Variants in KCTD19 observed in about 807,000 individuals in gnomAD.
KCTD19 encodes potassium channel tetramerization domain containing 19.
In KCTD19, 67 loss-of-function variants were observed where a neutral mutation model predicts 103.5. The ratio of observed to expected loss-of-function variants is 0.65; its 90% CI spans 0.53 to 0.79. KCTD19 has a LOEUF of 0.79. KCTD19 is among the 30% of genes least tolerant of loss of function. KCTD19 has a pLI of 0.00. For synonymous variants in KCTD19, 439 were observed against 452.2 expected, an observed-to-expected ratio of 0.97 and a Z score of 0.37; for missense variants, 980 against 1,136.1, an observed-to-expected ratio of 0.86 and a Z score of 1.98.
Position 67,294,646 on chromosome 16 carries a change from G to A in KCTD19, c.1524C>T (p.Ile508=), listed in dbSNP as rs1260022933. ...KESENEEAFS[I]RRLHVVTEGP... is the part of the protein sequence containing the mutation. ...CTTCTGTCACCACATGCAGCCTCCT[G>A]ATGGAAAAAGCTTCTTCATTTTCAG... Residue 508 remains isoleucine, a synonymous_variant, in exon 11 of 16, where the codon ATC becomes ATT. Coordinates refer to ENST00000304372, the MANE Select transcript of KCTD19 (RefSeq NM_001100915.3). 6.2e-7 allele frequency: 1 copy of A among 1,614,126 alleles called. No homozygotes were observed. Among genetic ancestry groups the A allele is most frequent in the Admixed American group, 1.7e-5 (1 of 60,012 alleles).
intron 2 of KCTD19, among the ~76,000 whole-genome samples, chr16:67,312,797 G>C (rs144703927): frequency 8.5e-5 from 13 of 152,252 alleles, no homozygotes; most frequent in Middle Eastern, 6.8e-3. Flanking sequence ...TTCAGAGTTT[G>C]AACACCTCTA....
At chr16:67,305,578 C>T (rs1242683254) in intron 2 of KCTD19, 1 of 455,604 alleles carries the variant, frequency 2.2e-6, no homozygotes. Flanking sequence ...CTTCGTGCCG[C>T]CCTTACCCAG....
intron 2 of KCTD19, among the ~76,000 whole-genome samples, chr16:67,312,111 A>G (rs1488885378): frequency 6.6e-6 from 1 of 152,258 alleles, no homozygotes; most frequent in Non-Finnish European, 1.5e-5. Context: ...CAAGTGGAAC[A>G]ATTTAAAGTT....
chr16:67,294,181 G>A lies in KCTD19; in HGVS notation c.1591-10C>T. 3 of 1,594,304 alleles carry A rather than the reference G, an allele frequency of 1.9e-6. No individual in the cohort carries two copies. The highest frequency in any genetic ancestry group is 1.7e-6 in the Non-Finnish European group (2 of 1,164,940). On this transcript the variant is annotated splice_polypyrimidine_tract_variant and intron_variant, in intron 11 of 15. Transcript: ENST00000304372. ...GCATGTAGGCTGTGGTCTGGGGAGGGAAGGGCACAGTAACTCTGGATAGGT... is the reference window on the plus strand; with the variant it reads ...GCATGTAGGCTGTGGTCTGGGGAGGAAAGGGCACAGTAACTCTGGATAGGT...
At chr16:67,306,239 G>T (rs1289443942) in intron 2 of KCTD19, among the ~76,000 whole-genome samples, 2 of 152,136 alleles carry the variant, frequency 1.3e-5, no homozygotes, top group African/African-American at 4.8e-5. Context: ...GAAGTTTCTG[G>T]ACCTCCAGGA....
chr16:67,310,897 A>G (rs1380242986), intron 2 of KCTD19, among the ~76,000 whole-genome samples: 1 of 152,238 alleles, frequency 6.6e-6, no homozygotes, highest in African/African-American at 2.4e-5. Flanking sequence ...GCTCAAGGAA[A>G]GCAAGGCTGG....
intron 5 of KCTD19, 51 bp downstream of exon 5, chr16:67,301,740 C>A (rs1384237343): frequency 4.4e-6 from 7 of 1,578,816 alleles, no homozygotes; most frequent in Non-Finnish European, 2.6e-6. Context: ...TTGGCTTTTC[C>A]AGGTCAAGCC....
At chr16:67,310,033 C>G (rs529271557) in intron 2 of KCTD19, among the ~76,000 whole-genome samples, 1 of 152,330 alleles carries the variant, frequency 6.6e-6, no homozygotes, top group African/African-American at 2.4e-5. Flanking sequence ...GCCCAGGCAT[C>G]GGCCTTGACC....
chr16:67,299,990 C>G (rs1028707136), intron 5 of KCTD19: 5 of 182,870 alleles, frequency 2.7e-5, no homozygotes, highest in African/African-American at 1.2e-4. Flanking sequence ...GCCCCTGTTG[C>G]TGGCTCTCCT....
At chr16:67,298,079 C>T (rs571018842) in intron 6 of KCTD19, among the ~76,000 whole-genome samples, 8 of 145,816 alleles carry the variant, frequency 5.5e-5, no homozygotes, top group South Asian at 2.2e-4. Flanking sequence ...CTGCAAGCTC[C>T]GCCTCCAGGG....
intron 1 of KCTD19, 77 bp downstream of exon 1, chr16:67,326,628 G>A (rs753288193): frequency 6.5e-7 from 1 of 1,537,272 alleles, no homozygotes; most frequent in South Asian, 1.2e-5. Flanking sequence ...GAACCACTTA[G>A]CCCCAATCCT....
intron 5 of KCTD19, 98 bp downstream of exon 5, chr16:67,301,693 C>T: frequency 1.7e-6 from 2 of 1,187,252 alleles, no homozygotes; most frequent in Non-Finnish European, 2.4e-6. Flanking sequence ...TCACTAACCC[C>T]CAAAGCCCGA....
chr16:67,301,739 C>T (rs576591247), intron 5 of KCTD19, 52 bp downstream of exon 5: 1 of 1,577,040 alleles, frequency 6.3e-7, no homozygotes, highest in African/African-American at 1.4e-5. Context: ...CTTGGCTTTT[C>T]CAGGTCAAGC....
At chr16:67,295,857 G>A (rs1387826374) in intron 8 of KCTD19, 2 of 385,916 alleles carry the variant, frequency 5.2e-6, no homozygotes, top group African/African-American at 4.1e-5. Context: ...CAATTCTGGT[G>A]CTTCAGCCTC....
chr16:67,295,198 C>T, intron 9 of KCTD19, 65 bp downstream of exon 9: 2 of 1,597,506 alleles, frequency 1.3e-6, no homozygotes, highest in Non-Finnish European at 1.7e-6. Flanking sequence ...ACTCAGGTCT[C>T]CTTTGTTGCT....
chr16:67,322,539 C>G lies in KCTD19; in HGVS notation c.4-1654G>C, dbSNP rs370064262. Among the ~76,000 whole-genome samples, 6 of 152,290 alleles carry G rather than the reference C, an allele frequency of 3.9e-5. No homozygotes were observed. In the East Asian group the frequency reaches 1.2e-3, roughly 29 times the overall value. ...GGTCTCGATCTCCTGACCTCGTGAT[C>G]CACCTGCTTTGGCCTCCCAAAGTGC... On this transcript the variant is annotated intron_variant, in intron 1 of 15. Coordinates refer to ENST00000304372, the MANE Select transcript of KCTD19 (RefSeq NM_001100915.3).
chr16:67,290,834 T>C lies in KCTD19; in HGVS notation c.2667+51A>G. ...TGGTGCAGCAAGACACACGTCCATC[T>C]GAGGCATCCACAGGGTCGGTGGATT... On this transcript the variant is annotated intron_variant, in intron 15 of 15. Coordinates refer to ENST00000304372, the MANE Select transcript of KCTD19 (RefSeq NM_001100915.3). The C allele has an allele frequency of 2.0e-6, 3 of 1,495,076 alleles. 1 individual carries two copies. Among genetic ancestry groups the C allele is most frequent in the South Asian group, 2.5e-5 (2 of 80,746 alleles). The allele number at this position is 1,495,076 out of a possible 1,614,324, so 92.6% of individuals were successfully genotyped here.
rs762466127 is a variant in KCTD19, at chr16:67,301,918, A to G, written c.648T>C (p.Asn216=). 1 of 1,613,940 alleles carries G rather than the reference A, an allele frequency of 6.2e-7. No individual in the cohort carries two copies. Among genetic ancestry groups the G allele is most frequent in the Non-Finnish European group, 8.5e-7 (1 of 1,179,864 alleles). ...GTAAAATCTTCTGTGAGCGAAGAAA[A>G]TTCACTTGAAAAACAAAGGGGAACA... is the stretch of plus-strand genomic sequence containing the variant. ...CECSEFRFIV[N]FLRSQKILLP... is the part of the protein sequence containing the mutation. The change falls in exon 5 of 16, where the codon AAT becomes AAC. Residue 216 remains asparagine, a synonymous_variant. Transcript: ENST00000304372.
At position 67,293,657 on chromosome 16, in the gene KCTD19, CCT is replaced by C. The variant is rs1235144436; in HGVS notation, c.2103_2104del (p.Ala703TrpfsTer42). On this transcript the variant is annotated frameshift_variant, in exon 12 of 16. Transcript: ENST00000304372. LOFTEE classifies it high-confidence loss of function. This position sits in a 1 kb window ranked among gnomAD's most constrained non-coding sequence, Gnocchi z 4.0. Reference sequence around the variant, plus strand: ...CTTGTCTTTCGCTCCAGCTCCAGCCCCTGCCTGTGGTCCTGGATCCTTCTCTG... The same window carrying C: ...CTTGTCTTTCGCTCCAGCTCCAGCCCGCCTGTGGTCCTGGATCCTTCTCTG... The C allele has an allele frequency of 6.2e-7, 1 of 1,614,056 alleles. No homozygotes were observed. The highest frequency in any genetic ancestry group is 8.5e-7 in the Non-Finnish European group (1 of 1,180,020).
Sources: gnomAD v4.1 joint callset for allele counts (sites outside exome capture counted in the v4.1 genomes callset) on GRCh38, gnomAD v4.1.1 for gene constraint, Gnocchi (gnomAD v3.1) non-coding constraint, MANE v1.5 for transcripts, NCBI Gene and HGNC (gene_info 2026-07-23, HGNC 2026-07-21) for gene names.